The following ROBO2 variants were observed in gnomAD, a reference collection of about 807,000 sequenced individuals.
The protein encoded by ROBO2 is roundabout guidance receptor 2.
Under a neutral mutation model 160.8 loss-of-function variants are expected in ROBO2, and 53 were observed. The ratio of observed to expected loss-of-function variants is 0.33; its 90% CI spans 0.26 to 0.41. ROBO2 has a LOEUF of 0.41. Ranked by LOEUF, ROBO2 falls within the 10% of genes least tolerant of loss-of-function variation. The probability of loss-of-function intolerance (pLI) is 1.00; values close to 1 mark genes in which losing one functional copy is unlikely to be tolerated. For missense variants in ROBO2, 1,577 were observed against 1,722.4 expected (o/e 0.92, Z 1.49); for synonymous variants, 664 against 611.7 (o/e 1.09, Z -1.26).
chr3:77,213,547 T>G (rs1446575640), intron 2 of ROBO2, among the ~76,000 whole-genome samples: 2 of 152,212 alleles, frequency 1.3e-5, no homozygotes, highest in Non-Finnish European at 2.9e-5. Context: ...ATTCATTGAT[T>G]TTTTGAAGGG....
intron 1 of ROBO2, among the ~76,000 whole-genome samples, chr3:77,064,316 A>G (rs1187159178): frequency 6.6e-6 from 1 of 151,890 alleles, no homozygotes; most frequent in Non-Finnish European, 1.5e-5. Flanking sequence ...TACAAATTGC[A>G]ATTTTATATT....
At chr3:76,191,663 C>T (rs930471659) in intron 2 of ROBO2, among the ~76,000 whole-genome samples, 1 of 152,064 alleles carries the variant, frequency 6.6e-6, no homozygotes, top group Non-Finnish European at 1.5e-5. Flanking sequence ...TACACCTATT[C>T]TCTACAAGCG....
intron 2 of ROBO2, among the ~76,000 whole-genome samples, chr3:77,342,992 G>T (rs1035985485): frequency 1.3e-5 from 2 of 152,000 alleles, no homozygotes; most frequent in East Asian, 3.9e-4. Flanking sequence ...GGTAGGGTCT[G>T]TCTTCCTGGC....
chr3:77,643,704 C>T (rs989342175), intron 24 of ROBO2, among the ~76,000 whole-genome samples: 1 of 152,146 alleles, frequency 6.6e-6, no homozygotes, highest in Non-Finnish European at 1.5e-5. Context: ...TGTCTTTTCA[C>T]TTATTCATTT....
chr3:76,178,192 A>G (rs1168175904), intron 2 of ROBO2, among the ~76,000 whole-genome samples: 1 of 152,154 alleles, frequency 6.6e-6, no homozygotes, highest in East Asian at 1.9e-4. Context: ...ACCATCCACA[A>G]TATTCACACT....
intron 2 of ROBO2, among the ~76,000 whole-genome samples, chr3:77,422,510 A>G (rs1339796551): frequency 6.6e-6 from 1 of 152,200 alleles, no homozygotes; most frequent in Non-Finnish European, 1.5e-5. Context: ...ATGACTCTGG[A>G]ATCAATCTGT....
At position 76,683,932 on chromosome 3, in the gene ROBO2, T is replaced by C. The variant is rs75326821; in HGVS notation, c.110-414082T>C. Among the ~76,000 whole-genome samples the C allele has an allele frequency of 1.1e-3, 170 of 152,230 alleles. 1 individual carries two copies. The highest frequency in any genetic ancestry group is 3.8e-3 in the African/African-American group (160 of 41,572). On this transcript the variant is annotated intron_variant, in intron 2 of 26. Coordinates refer to the ROBO2 transcript ENST00000487694. ...TAAAAAGTTTATATTTTTTTCTCTT[T>C]AAACATAGATAAATTTTATTAAATT...
At chr3:77,531,580 G>C (rs1392756921) in intron 6 of ROBO2, among the ~76,000 whole-genome samples, 1 of 151,334 alleles carries the variant, frequency 6.6e-6, no homozygotes, top group East Asian at 1.9e-4. Context: ...CATTCAGCAT[G>C]AATTATAAAT....
At chr3:77,214,103 T>TGCAGAG (rs2084579611) in intron 2 of ROBO2, among the ~76,000 whole-genome samples, 1 of 152,180 alleles carries the variant, frequency 6.6e-6, no homozygotes, top group Non-Finnish European at 1.5e-5. Flanking sequence ...GTCTGCTTGG[T>TGCAGAG]GCAGAGCTGA....
At chr3:77,230,865 A>C (rs1025298945) in intron 2 of ROBO2, among the ~76,000 whole-genome samples, 1 of 152,202 alleles carries the variant, frequency 6.6e-6, no homozygotes, top group Admixed American at 6.5e-5. Flanking sequence ...CGATCTTTTT[A>C]TGAAAATAAT....
At chr3:76,729,917 C>T (rs577701998) in intron 2 of ROBO2, among the ~76,000 whole-genome samples, 61 of 152,156 alleles carry the variant, frequency 4.0e-4, no homozygotes, top group African/African-American at 1.4e-3. Context: ...GGATTATGGG[C>T]GTGAGCCACT....
intron 2 of ROBO2, among the ~76,000 whole-genome samples, chr3:75,998,488 GA>G (rs776916471): frequency 2.6e-5 from 4 of 152,174 alleles, no homozygotes; most frequent in African/African-American, 4.8e-5. Context: ...AAGAGGTCAA[GA>G]TGGTGGCTTT....
chr3:76,356,091 T>C (rs2075144688), intron 2 of ROBO2, among the ~76,000 whole-genome samples: 1 of 151,788 alleles, frequency 6.6e-6, no homozygotes, highest in Admixed American at 6.6e-5. Flanking sequence ...TAAAGAAATA[T>C]TTACTTTTCA....
chr3:76,026,393 A>T, intron 2 of ROBO2, among the ~76,000 whole-genome samples: 1 of 152,076 alleles, frequency 6.6e-6, no homozygotes, highest in South Asian at 2.1e-4. Context: ...TTTCTTAGGA[A>T]TAAGTTATAA....
chr3:76,552,242 C>T (rs961961668), intron 2 of ROBO2, among the ~76,000 whole-genome samples: 2 of 152,126 alleles, frequency 1.3e-5, no homozygotes, highest in Admixed American at 6.5e-5. Flanking sequence ...TTTATATCAG[C>T]AACTTGAGCA....
At chr3:76,683,370 T>C (rs1385744294) in intron 2 of ROBO2, among the ~76,000 whole-genome samples, 1 of 150,834 alleles carries the variant, frequency 6.6e-6, no homozygotes, top group Non-Finnish European at 1.5e-5. Flanking sequence ...TTATAGATGG[T>C]AATCTGTTTA....
chr3:76,340,251 T>A (rs879879736), intron 2 of ROBO2, among the ~76,000 whole-genome samples: 1 of 152,098 alleles, frequency 6.6e-6, no homozygotes, highest in Non-Finnish European at 1.5e-5. Context: ...AACAAAAAAA[T>A]TCATGCTGGC....
At chr3:77,592,677 G>A (rs908738189) in intron 17 of ROBO2, among the ~76,000 whole-genome samples, 1 of 151,922 alleles carries the variant, frequency 6.6e-6, no homozygotes, top group Non-Finnish European at 1.5e-5. Context: ...TCAGCCTCCC[G>A]AATAGCTGGG....
chr3:77,637,830 T>C (rs933261067), intron 24 of ROBO2, among the ~76,000 whole-genome samples: 3 of 152,210 alleles, frequency 2.0e-5, no homozygotes, highest in Non-Finnish European at 4.4e-5. Context: ...TAAGACACTT[T>C]TATTGCAAGC....
Sources: gnomAD v4.1 joint callset for allele counts (sites outside exome capture counted in the v4.1 genomes callset) on GRCh38, gnomAD v4.1.1 for gene constraint, MANE v1.5 for transcripts, NCBI Gene and HGNC (gene_info 2026-07-23, HGNC 2026-07-21) for gene names.